ASXL3: variants seen among roughly 807,000 people sequenced by gnomAD.
ASXL3 encodes the protein ASXL transcriptional regulator 3.
ASXL3 carries 34 observed loss-of-function variants against 170.6 expected under a neutral mutation model. The ratio of observed to expected loss-of-function variants is 0.20; its 90% CI spans 0.15 to 0.27. ASXL3 has a LOEUF of 0.27. Among genes scored for constraint, ASXL3 ranks in the 10% least tolerant of loss-of-function variants. The pLI is 1.00. For synonymous variants in ASXL3, 1,002 were observed against 989.1 expected (o/e 1.01, Z -0.24); for missense variants, 2,592 against 2,695.3 (o/e 0.96, Z 0.85).
At position 33,744,493 on chromosome 18, in the gene ASXL3, A is replaced by T. The variant is rs907447419; in HGVS notation, c.4645A>T (p.Ser1549Cys). ...FIAASAAKQD[S>C]KTLPATCTSL... ...TGCTGCTTCGGCAGCAAAACAAGAC[A>T]GTAAAACATTGCCGGCCACCTGCAC... The change falls in exon 12 of 12, where the codon AGT becomes TGT. Residue 1549 changes from serine to cysteine, a missense_variant. Ser to Cys is a moderately radical substitution (Grantham distance 112, BLOSUM62 -1). This residue lies in a region of ASXL3 where 2,246 missense variants were observed against 2,219.6 expected (regional missense o/e 1.01). Coordinates refer to ENST00000269197, the MANE Select transcript of ASXL3 (RefSeq NM_030632.3). The T allele has an allele frequency of 4.3e-6, 7 of 1,612,882 alleles. No individual in the cohort carries two copies. In the African/African-American group the frequency reaches 9.3e-5, roughly 22 times the overall value.
chr18:33,588,570 A>T (rs2065052837), intron 1 of ASXL3, among the ~76,000 whole-genome samples: 1 of 152,088 alleles, frequency 6.6e-6, no homozygotes, highest in African/African-American at 2.4e-5. Flanking sequence ...TGCATGAGAC[A>T]CTGCCATTGT....
intron 10 of ASXL3, among the ~76,000 whole-genome samples, chr18:33,737,385 G>T (rs1345424146): frequency 6.6e-6 from 1 of 152,064 alleles, no homozygotes; most frequent in East Asian, 1.9e-4. Context: ...CTCTAGAAAT[G>T]TTCTCTCTCC....
chr18:33,725,439 T>G (rs2067333790), intron 8 of ASXL3, among the ~76,000 whole-genome samples: 3 of 152,142 alleles, frequency 2.0e-5, no homozygotes, highest in African/African-American at 7.2e-5. Context: ...CTCTTTCTAC[T>G]TTTGCTTAGT....
intron 1 of ASXL3, among the ~76,000 whole-genome samples, chr18:33,588,061 A>G (rs150471208): frequency 2.6e-5 from 4 of 152,088 alleles, no homozygotes; most frequent in African/African-American, 9.6e-5. Context: ...CTTAGTGTGT[A>G]TGTGTGTGTA....
Position 33,745,943 on chromosome 18 carries a change from C to T in ASXL3, c.6095C>T (p.Pro2032Leu). 1.3e-6 allele frequency: 1 copy of T among 772,806 alleles called. No homozygotes were observed. The highest frequency in any genetic ancestry group is 1.9e-6 in the Non-Finnish European group (1 of 540,028). 47.9% of individuals were successfully genotyped at this position (772,806 alleles called of 1,614,324 possible). A position where few individuals can be genotyped will look rare whatever the true frequency, so the allele number is the denominator to read the frequency against. Residue 2032 changes from proline (P) to leucine (L), a missense_variant, in exon 12 of 12, where the codon CCC (proline) becomes CTC (leucine). Physicochemically the swap from Pro to Leu is moderately conservative, Grantham distance 98. Coordinates refer to ENST00000269197, the MANE Select transcript of ASXL3 (RefSeq NM_030632.3). The part of the protein sequence containing the change: ...PPPPPPPLAL[P>L]PPPPPPPPLP... ...CCTCCCCCTCCACCCTTGGCTTTGC[C>T]CCCGCCTCCCCCCCCACCACCTCCG...
intron 8 of ASXL3, among the ~76,000 whole-genome samples, chr18:33,711,575 T>C (rs940097469): frequency 3.9e-5 from 6 of 152,236 alleles, no homozygotes; most frequent in Non-Finnish European, 7.3e-5. Context: ...TGATAATGAA[T>C]TGTGTCACTG....
chr18:33,689,317 A>C (rs1020230127), intron 8 of ASXL3, among the ~76,000 whole-genome samples: 1 of 152,214 alleles, frequency 6.6e-6, no homozygotes, highest in Non-Finnish European at 1.5e-5. Context: ...TCTATAAACA[A>C]GGATGTGTTG....
rs1364381664 is a variant in ASXL3, at chr18:33,599,237, T to A, written c.55-8357T>A. Among the ~76,000 whole-genome samples, 3 of 152,160 alleles carry A rather than the reference T, an allele frequency of 2.0e-5. No individual in the cohort carries two copies. In the East Asian group the frequency reaches 5.8e-4, roughly 29 times the overall value. ...TTTATTTTTGATAGGATTATTAGAC[T>A]TATACATCAGGAAGATGCATATGTT... On this transcript the variant is annotated intron_variant, in intron 1 of 11. Coordinates refer to ENST00000269197, the MANE Select transcript of ASXL3 (RefSeq NM_030632.3).
intron 7 of ASXL3, among the ~76,000 whole-genome samples, chr18:33,682,912 A>G (rs1362151502): frequency 6.6e-6 from 1 of 152,186 alleles, no homozygotes; most frequent in East Asian, 1.9e-4. Flanking sequence ...CTGAATAGGA[A>G]CCTTCTGAAA....
In ASXL3 at chr18:33,732,081, T is replaced by C. The variant is rs1301350235; in HGVS notation, c.976+17T>C. ...TGGCAGAAGGTAAATTTGTATTTTC[T>C]ATTATTATGTGACATATTGGAGTAC... is the stretch of plus-strand genomic sequence containing the variant. On this transcript the variant is annotated intron_variant, in intron 9 of 11. Coordinates refer to ENST00000269197, the MANE Select transcript of ASXL3 (RefSeq NM_030632.3). The C allele has an allele frequency of 6.3e-7, 1 of 1,596,770 alleles. No homozygotes were observed. The highest frequency in any genetic ancestry group is 8.6e-7 in the Non-Finnish European group (1 of 1,166,684).
At chr18:33,581,612 A>G (rs935303002) in intron 1 of ASXL3, among the ~76,000 whole-genome samples, 1 of 152,186 alleles carries the variant, frequency 6.6e-6, no homozygotes, top group East Asian at 1.9e-4. Flanking sequence ...AAAGAAAAAT[A>G]TATGTGGAAG....
chr18:33,619,455 A>T (rs796264363), intron 2 of ASXL3, among the ~76,000 whole-genome samples: 2,393 of 152,062 alleles, frequency 0.016, 73 homozygotes, highest in African/African-American at 0.054. Flanking sequence ...TGAAAAAAAA[A>T]AAAAAACATT....
chr18:33,662,057 TA>T (rs1349021504), intron 5 of ASXL3, among the ~76,000 whole-genome samples: 1 of 152,198 alleles, frequency 6.6e-6, no homozygotes, highest in African/African-American at 2.4e-5. Context: ...ATTGCATATT[TA>T]AAAAATAACA....
intron 1 of ASXL3, among the ~76,000 whole-genome samples, chr18:33,580,496 AAAT>A (rs1400983905): frequency 6.6e-6 from 1 of 152,200 alleles, no homozygotes; most frequent in African/African-American, 2.4e-5. Context: ...AAATATTTAA[AAAT>A]AATAAGTCAT....
At chr18:33,688,762 A>G (rs1357006724) in intron 8 of ASXL3, among the ~76,000 whole-genome samples, 2 of 152,222 alleles carry the variant, frequency 1.3e-5, no homozygotes, top group Non-Finnish European at 2.9e-5. Flanking sequence ...TCTTTCATTT[A>G]TCCCTTCACA....
intron 8 of ASXL3, among the ~76,000 whole-genome samples, chr18:33,693,075 A>G (rs1223190649): frequency 6.6e-6 from 1 of 152,138 alleles, no homozygotes; most frequent in Non-Finnish European, 1.5e-5. Flanking sequence ...GAAGAAAATC[A>G]TGTTGGGGTT....
chr18:33,620,156 G>A (rs1289625698), intron 2 of ASXL3, among the ~76,000 whole-genome samples: 1 of 152,016 alleles, frequency 6.6e-6, no homozygotes, highest in Admixed American at 6.6e-5. Context: ...ATGCATAATT[G>A]CCAAGCAGGG....
intron 8 of ASXL3, among the ~76,000 whole-genome samples, chr18:33,713,229 GTTTTTTTTGTTTTGTTTTGTTTT>G (rs1273719429): frequency 0.029 from 2,359 of 81,656 alleles, 301 homozygotes; most frequent in Non-Finnish European, 0.03. Flanking sequence ...CCACAAGAAG[GTTTTTTTTGTTTTGTTTTGTTTT>G]TTTTTTTTTT....
chr18:33,607,815 A>G (rs913541004), intron 2 of ASXL3, 139 bp downstream of exon 2: 2 of 705,768 alleles, frequency 2.8e-6, no homozygotes, highest in Non-Finnish European at 4.7e-6. Context: ...TAATTAAGAA[A>G]TCGTTGGATG....
Sources: gnomAD v4.1 joint callset for allele counts (sites outside exome capture counted in the v4.1 genomes callset) on GRCh38, gnomAD v4.1.1 for gene constraint, gnomAD v4.1.1 regional missense constraint, MANE v1.5 for transcripts, NCBI Gene and HGNC (gene_info 2026-07-23, HGNC 2026-07-21) for gene names.